The following NEBL variants were observed in gnomAD, a reference collection of about 807,000 sequenced individuals.
The protein encoded by NEBL is LIM and SH3 protein 2.
A neutral mutation model predicts 140.2 loss-of-function variants in NEBL; 122 were observed. The ratio of observed to expected loss-of-function variants is 0.87; its 90% confidence interval spans 0.75 to 1.01. The LOEUF (loss-of-function observed/expected upper bound fraction) is 1.01, where lower values mean the gene tolerates loss of function less well. Ranked by LOEUF, NEBL falls within the 50% of genes least tolerant of loss-of-function variation. The pLI is 0.00. For synonymous variants in NEBL, 436 were observed against 398.9 expected (o/e 1.09, Z -1.11); for missense variants, 1,365 against 1,231.3 (o/e 1.11, Z -1.62).
chr10:21,209,396 G>C (rs1353834767), intron 3 of NEBL, among the ~76,000 whole-genome samples: 1 of 152,062 alleles, frequency 6.6e-6, no homozygotes, highest in Admixed American at 6.6e-5. Flanking sequence ...CCTGTTTTTT[G>C]TTTGTTTTTG....
intron 2 of NEBL, among the ~76,000 whole-genome samples, chr10:21,034,215 A>G (rs1242185876): frequency 1.3e-5 from 2 of 151,480 alleles, no homozygotes; most frequent in South Asian, 2.1e-4. Context: ...TAGAAATACC[A>G]TATTACATTC....
At position 20,890,063 on chromosome 10, in the gene NEBL, T is replaced by C. The variant is rs983853327; in HGVS notation, c.154-114A>G. Reference sequence around the variant, plus strand: ...ATTTACTGAAGTAAATACTCAAGTGTGAAAGGGACCTCAAAACAAGCCAAG... The same window carrying C: ...ATTTACTGAAGTAAATACTCAAGTGCGAAAGGGACCTCAAAACAAGCCAAG... On this transcript the variant is annotated intron_variant, in intron 2 of 27. Transcript: ENST00000377122. 5.8e-6 allele frequency: 4 copies of C among 694,448 alleles called. No individual in the cohort carries two copies. The South Asian group carries it at 7.3e-5, about 13-fold the overall frequency. The allele number at this position is 694,448 out of a possible 1,614,324, so 43.0% of individuals were successfully genotyped here. A position where few individuals can be genotyped will look rare whatever the true frequency, so the allele number is the denominator to read the frequency against.
chr10:21,003,303 A>T, intron 3 of NEBL, among the ~76,000 whole-genome samples: 1 of 152,144 alleles, frequency 6.6e-6, no homozygotes, highest in East Asian at 1.9e-4. Flanking sequence ...ACACCTTTGG[A>T]GGGAAACAGC....
chr10:21,224,228 A>C (rs185644417), intron 3 of NEBL, among the ~76,000 whole-genome samples: 7 of 152,314 alleles, frequency 4.6e-5, no homozygotes, highest in African/African-American at 1.7e-4. Context: ...ATTCTTCTAC[A>C]TATGGACATC....
intron 3 of NEBL, among the ~76,000 whole-genome samples, chr10:21,180,686 G>T (rs1841372036): frequency 6.6e-6 from 1 of 152,020 alleles, no homozygotes; most frequent in African/African-American, 2.4e-5. Context: ...CTCTCCCTAA[G>T]CCACCTTGTC....
chr10:21,058,990 A>C (rs1185288369), intron 2 of NEBL, among the ~76,000 whole-genome samples: 3 of 152,194 alleles, frequency 2.0e-5, no homozygotes, highest in Non-Finnish European at 4.4e-5. Context: ...TGTGATGATA[A>C]AACAGATGGG....
At chr10:20,887,972 T>C (rs1429825625) in intron 4 of NEBL, 125 bp downstream of exon 4, 2 of 735,256 alleles carry the variant, frequency 2.7e-6, no homozygotes, top group African/African-American at 3.5e-5. Context: ...CATTAATCAG[T>C]TGCTTTCAAC....
At chr10:20,884,048 TGAGA>T (rs1388328867) in intron 4 of NEBL, among the ~76,000 whole-genome samples, 1 of 152,204 alleles carries the variant, frequency 6.6e-6, no homozygotes, top group African/African-American at 2.4e-5. Flanking sequence ...CTTCATACTT[TGAGA>T]ACTGAGATTG....
At chr10:20,995,989 T>C (rs1200341106) in intron 3 of NEBL, among the ~76,000 whole-genome samples, 1 of 152,160 alleles carries the variant, frequency 6.6e-6, no homozygotes, top group Non-Finnish European at 1.5e-5. Context: ...GAAGAGTACC[T>C]TTTATAAGAT....
intron 3 of NEBL, among the ~76,000 whole-genome samples, chr10:21,006,082 A>T (rs568041222): frequency 6.5e-4 from 99 of 152,306 alleles, no homozygotes; most frequent in African/African-American, 2.2e-3. Flanking sequence ...CTTCACAGGC[A>T]TACCTCCAAG....
chr10:21,204,217 A>G (rs905249884), intron 3 of NEBL, among the ~76,000 whole-genome samples: 2 of 152,144 alleles, frequency 1.3e-5, no homozygotes, highest in Non-Finnish European at 1.5e-5. Flanking sequence ...AGTTACCCCC[A>G]CTGTGGAGGG....
rs542379486 is a variant in NEBL at position 21,133,710 on chromosome 10, T to C, written c.164+38673A>G. On this transcript the variant is annotated intron_variant, in intron 2 of 6. Coordinates refer to the NEBL transcript ENST00000417816. Reference sequence around the variant, plus strand: ...TCCCATCATATCAATCCTAAGGGAATAGTTTCCAAGGAAACCTATGTCTCA... The same window carrying C: ...TCCCATCATATCAATCCTAAGGGAACAGTTTCCAAGGAAACCTATGTCTCA... 2.6e-4 allele frequency among the ~76,000 whole-genome samples: 39 copies of C among 152,314 alleles called. 1 individual carries two copies. The South Asian group carries it at 8.1e-3, about 32-fold the overall frequency.
At chr10:20,871,488 A>C (rs531335735) in intron 5 of NEBL, among the ~76,000 whole-genome samples, 33 of 152,362 alleles carry the variant, frequency 2.2e-4, no homozygotes, top group African/African-American at 7.7e-4. Context: ...ATGCATTAAT[A>C]CATCAACAGG....
At chr10:20,935,891 G>C (rs1351631754) in intron 4 of NEBL, among the ~76,000 whole-genome samples, 1 of 152,016 alleles carries the variant, frequency 6.6e-6, no homozygotes, top group Non-Finnish European at 1.5e-5. Context: ...TTCTATAATG[G>C]ACATTAGCTC....
chr10:20,863,647 AAT>A (rs1218939020), intron 7 of NEBL, among the ~76,000 whole-genome samples: 1 of 152,180 alleles, frequency 6.6e-6, no homozygotes, highest in African/African-American at 2.4e-5. Flanking sequence ...TGATCCAGAG[AAT>A]ATTGGTTTAA....
Position 21,075,884 on chromosome 10 carries a change from T to C in NEBL, c.165-55683A>G, listed in dbSNP as rs564451119. Among the ~76,000 whole-genome samples, 3 of 152,250 alleles carry C rather than the reference T, an allele frequency of 2.0e-5. No individual in the cohort carries two copies. In the South Asian group the frequency reaches 6.2e-4, roughly 32 times the overall value. Reference sequence around the variant, plus strand: ...AAAGGGCAGAGGATTTGAACAGATATTTCTTCAAAGAAAATAGACAAATGA... The same window carrying C: ...AAAGGGCAGAGGATTTGAACAGATACTTCTTCAAAGAAAATAGACAAATGA... On this transcript the variant is annotated intron_variant, in intron 2 of 6. Transcript: ENST00000417816.
chr10:20,890,741 G>A (rs376063594), intron 2 of NEBL, among the ~76,000 whole-genome samples: 38 of 152,344 alleles, frequency 2.5e-4, no homozygotes, highest in East Asian at 1.5e-3. Flanking sequence ...TTGTTATGCC[G>A]GGGGAAGACC....
chr10:20,939,818 A>C (rs1226158051), intron 4 of NEBL, among the ~76,000 whole-genome samples: 1 of 152,240 alleles, frequency 6.6e-6, no homozygotes, highest in African/African-American at 2.4e-5. Context: ...TAAATGAACA[A>C]AGATCAAAAG....
At chr10:20,925,740 A>T (rs1277912994) in intron 4 of NEBL, among the ~76,000 whole-genome samples, 2 of 150,914 alleles carry the variant, frequency 1.3e-5, no homozygotes, top group African/African-American at 4.9e-5. Context: ...AACAGAAGCT[A>T]TCAAGAGTAC....
Sources: allele counts gnomAD v4.1 joint callset (sites outside exome capture counted in the v4.1 genomes callset), GRCh38; gene constraint gnomAD v4.1.1; transcripts MANE v1.5; gene names NCBI Gene and HGNC (gene_info 2026-07-23, HGNC 2026-07-21).